The following GARIN2 variants were observed in gnomAD, a reference collection of about 807,000 sequenced individuals.
GARIN2 encodes Golgi-associated RAB2 interactor protein 2.
chr14:67,191,924 T>C, the GARIN2 span, among the ~76,000 whole-genome samples: 2 of 152,212 alleles, frequency 1.3e-5, no homozygotes, highest in Non-Finnish European at 2.9e-5. Flanking sequence ...TACAACCTAA[T>C]GTAGCTGTCT....
chr14:67,190,458 A>G, the GARIN2 span, among the ~76,000 whole-genome samples: 15 of 150,976 alleles, frequency 9.9e-5, no homozygotes, highest in Non-Finnish European at 1.8e-4. Flanking sequence ...CCTGACCTCA[A>G]GAGATCCACC....
At chr14:67,227,501 C>A in the GARIN2 span, 1 of 149,506 alleles carries the variant, frequency 6.7e-6, no homozygotes, top group Non-Finnish European at 1.5e-5. Context: ...TTTTGAATTG[C>A]TGATATATGG....
chr14:67,210,768 T>G, the GARIN2 span, among the ~76,000 whole-genome samples: 12 of 152,030 alleles, frequency 7.9e-5, no homozygotes, highest in African/African-American at 2.9e-4. Flanking sequence ...ATCCCAGCAC[T>G]TAGGGAGGCC....
At chr14:67,217,158 TTTC>T in the GARIN2 span, among the ~76,000 whole-genome samples, 1 of 145,992 alleles carries the variant, frequency 6.8e-6, no homozygotes, top group African/African-American at 2.7e-5. Flanking sequence ...ATAGAATGAC[TTTC>T]TTCATCTTTT....
chr14:67,204,572 A>G, the GARIN2 span: 5 of 1,613,608 alleles, frequency 3.1e-6, no homozygotes, highest in Non-Finnish European at 4.2e-6. Context: ...CTTTCTGTGC[A>G]TGATGCGGAG....
At chr14:67,216,637 A>G in the GARIN2 span, among the ~76,000 whole-genome samples, 2 of 152,042 alleles carry the variant, frequency 1.3e-5, no homozygotes, top group African/African-American at 2.4e-5. Flanking sequence ...TTTAAATAGC[A>G]TCCTTCATTT....
the GARIN2 span, among the ~76,000 whole-genome samples, chr14:67,197,707 G>A: frequency 2.0e-5 from 3 of 152,118 alleles, no homozygotes; most frequent in Admixed American, 1.3e-4. Flanking sequence ...AAAGGGATTG[G>A]AGAATCCTGC....
chr14:67,204,804 C>T, the GARIN2 span: 4 of 1,613,930 alleles, frequency 2.5e-6, no homozygotes, highest in Non-Finnish European at 2.5e-6. Context: ...CGGATGTCAC[C>T]ACGTTCACAG....
the GARIN2 span, among the ~76,000 whole-genome samples, chr14:67,220,749 A>G: frequency 6.6e-6 from 1 of 152,176 alleles, no homozygotes; most frequent in African/African-American, 2.4e-5. Flanking sequence ...GATGCTTCTC[A>G]GTCTCGCTTA....
chr14:67,191,165 T>C, the GARIN2 span, among the ~76,000 whole-genome samples: 9 of 152,034 alleles, frequency 5.9e-5, no homozygotes, highest in African/African-American at 1.4e-4. Context: ...ACCCAGGAGG[T>C]AGAGGTTGCA....
chr14:67,228,234 G>T, the GARIN2 span: 1 of 158,050 alleles, frequency 6.3e-6, no homozygotes, highest in Non-Finnish European at 1.4e-5. Flanking sequence ...AAAAAGAGAT[G>T]TTATTCATCC....
chr14:67,215,434 C>T, the GARIN2 span, among the ~76,000 whole-genome samples: 9 of 151,250 alleles, frequency 6.0e-5, no homozygotes, highest in East Asian at 1.6e-3. Context: ...AACCACTGAG[C>T]TATTTCAGTG....
the GARIN2 span, among the ~76,000 whole-genome samples, chr14:67,197,817 T>C: frequency 2.0e-5 from 3 of 152,194 alleles, no homozygotes; most frequent in Non-Finnish European, 2.9e-5. Context: ...GCTACCCTAA[T>C]AGGTGTCTCC....
chr14:67,202,482 A>C, the GARIN2 span, among the ~76,000 whole-genome samples: 5 of 152,196 alleles, frequency 3.3e-5, no homozygotes, highest in Non-Finnish European at 7.3e-5. Flanking sequence ...ATAAACTTAC[A>C]TTATATCTAA....
chr14:67,201,698 T>TG, the GARIN2 span: 4 of 357,550 alleles, frequency 1.1e-5, no homozygotes, highest in African/African-American at 2.1e-5. Flanking sequence ...GCCATGATAT[T>TG]GGACAAAACC....
At chr14:67,196,006 G>A in the GARIN2 span, among the ~76,000 whole-genome samples, 2 of 151,970 alleles carry the variant, frequency 1.3e-5, no homozygotes, top group South Asian at 2.1e-4. Context: ...GGCTGTTCTC[G>A]AACTCCTGAC....
At chr14:67,204,585 CA>C in the GARIN2 span, 2 of 1,613,546 alleles carry the variant, frequency 1.2e-6, no homozygotes, top group Admixed American at 3.3e-5. Flanking sequence ...ATGCGGAGAA[CA>C]TGAGCCTGAA....
the GARIN2 span, among the ~76,000 whole-genome samples, chr14:67,203,629 G>A: frequency 6.6e-6 from 1 of 152,164 alleles, no homozygotes; most frequent in East Asian, 1.9e-4. Context: ...CTTGGTCTAT[G>A]ATCATGAGCA....
the GARIN2 span, among the ~76,000 whole-genome samples, chr14:67,207,103 T>C: frequency 9.2e-5 from 14 of 152,178 alleles, no homozygotes; most frequent in Non-Finnish European, 1.8e-4. Flanking sequence ...AGGAAGAAAA[T>C]TATTACATCA....
Sources: allele counts gnomAD v4.1 joint callset (sites outside exome capture counted in the v4.1 genomes callset), GRCh38; gene constraint gnomAD v4.1.1; transcripts MANE v1.5; gene names NCBI Gene and HGNC (gene_info 2026-07-23, HGNC 2026-07-21).